Variants in TCF12 observed in about 807,000 individuals in gnomAD.
TCF12 encodes transcription factor 12, also known as DNA-binding protein HTF4.
TCF12 carries 45 observed loss-of-function variants against 86.0 expected under a neutral mutation model. The ratio of observed to expected loss-of-function variants is 0.52; its 90% CI spans 0.41 to 0.67. The LOEUF (loss-of-function observed/expected upper bound fraction) is 0.67. Ranked by LOEUF, TCF12 falls within the 30% of genes least tolerant of loss-of-function variation. The pLI is 0.00. For missense variants in TCF12, 881 were observed against 859.9 expected, an observed-to-expected ratio of 1.02 and a Z score of -0.31; for synonymous variants, 330 against 299.6, an observed-to-expected ratio of 1.10 and a Z score of -1.05.
intron 18 of TCF12, among the ~76,000 whole-genome samples, chr15:57,269,849 A>G (rs987859977): frequency 6.6e-6 from 1 of 152,220 alleles, no homozygotes; most frequent in Non-Finnish European, 1.5e-5. Flanking sequence ...TTCTGGGTTG[A>G]AAATTCTTTT....
intron 20 of TCF12, among the ~76,000 whole-genome samples, 155 bp from the exon 21 acceptor site, chr15:57,286,002 C>A (rs962968656): frequency 2.0e-5 from 3 of 152,200 alleles, no homozygotes; most frequent in Non-Finnish European, 4.4e-5. Context: ...GGAAAAAGTT[C>A]ATTAAGTCAC....
At chr15:56,965,312 T>G (rs2061953934) in intron 3 of TCF12, among the ~76,000 whole-genome samples, 1 of 152,076 alleles carries the variant, frequency 6.6e-6, no homozygotes, top group Non-Finnish European at 1.5e-5. Context: ...CTGGTAGAAG[T>G]TTTGCTATTT....
At chr15:57,195,848 T>G (rs1294619798) in intron 7 of TCF12, among the ~76,000 whole-genome samples, 4 of 151,982 alleles carry the variant, frequency 2.6e-5, no homozygotes, top group Non-Finnish European at 5.9e-5. Context: ...CAAACGAAAT[T>G]TTTTTAATTA....
intron 4 of TCF12, among the ~76,000 whole-genome samples, chr15:57,083,452 A>G (rs977404292): frequency 6.6e-6 from 1 of 152,168 alleles, no homozygotes; most frequent in Admixed American, 6.5e-5. Context: ...AATCTGAGAA[A>G]TAATATATCT....
chr15:57,137,796 A>G (rs1273083337), intron 5 of TCF12, among the ~76,000 whole-genome samples: 10 of 152,190 alleles, frequency 6.6e-5, no homozygotes, highest in African/African-American at 2.2e-4. Context: ...TGAGAGGCCA[A>G]GGCTGGCGGA....
At chr15:57,091,725 T>C in intron 4 of TCF12, 64 bp from the exon 5 acceptor site, 2 of 1,199,328 alleles carry the variant, frequency 1.7e-6, no homozygotes, top group Non-Finnish European at 2.5e-6. Context: ...GTGAGTGTCA[T>C]TATGCTCAAT....
chr15:57,146,116 C>A (rs1322035425), intron 5 of TCF12, among the ~76,000 whole-genome samples: 1 of 151,680 alleles, frequency 6.6e-6, no homozygotes, highest in African/African-American at 2.4e-5. Context: ...TTACATATAC[C>A]CTTTAAGATT....
intron 16 of TCF12, among the ~76,000 whole-genome samples, chr15:57,255,289 A>AAGGGAGACTTATCAC: frequency 6.6e-6 from 1 of 152,328 alleles, no homozygotes; most frequent in East Asian, 1.9e-4. Context: ...AGACTTATCA[A>AAGGGAGACTTATCAC]AATGTAGTCC....
chr15:57,064,085 A>G (rs565908153), intron 4 of TCF12, among the ~76,000 whole-genome samples: 1 of 152,210 alleles, frequency 6.6e-6, no homozygotes, highest in Non-Finnish European at 1.5e-5. Context: ...CTTAGAATGC[A>G]TAAGTGCTCT....
chr15:57,021,461 G>A (rs1253541085), intron 3 of TCF12, among the ~76,000 whole-genome samples: 1 of 152,224 alleles, frequency 6.6e-6, no homozygotes, highest in Non-Finnish European at 1.5e-5. Context: ...GGCATCAACA[G>A]TGGCTTAGCA....
intron 12 of TCF12, among the ~76,000 whole-genome samples, chr15:57,240,939 GTTGAAGT>G (rs1162094872): frequency 6.9e-6 from 1 of 144,412 alleles, no homozygotes; most frequent in African/African-American, 2.5e-5. Context: ...TTTTGTTTCT[GTTGAAGT>G]TTGATGACCT....
intron 8 of TCF12, chr15:57,219,062 C>T (rs771907825): frequency 2.1e-5 from 22 of 1,052,200 alleles, no homozygotes; most frequent in Non-Finnish European, 2.4e-5. Flanking sequence ...CAGATGGTAA[C>T]GCTGGAGGTG....
chr15:57,244,766 C>G (rs1597589229), intron 13 of TCF12, among the ~76,000 whole-genome samples: 1 of 151,784 alleles, frequency 6.6e-6, no homozygotes, highest in Admixed American at 6.6e-5. Context: ...GCCCGGCCCA[C>G]ATGTTTTTTT....
At chr15:56,982,454 T>G (rs1472972379) in intron 3 of TCF12, among the ~76,000 whole-genome samples, 3 of 152,196 alleles carry the variant, frequency 2.0e-5, no homozygotes, top group African/African-American at 7.2e-5. Flanking sequence ...AAATCCATAA[T>G]TATAGAATTG....
intron 3 of TCF12, among the ~76,000 whole-genome samples, chr15:57,062,029 T>C (rs2068495743): frequency 6.6e-6 from 1 of 152,056 alleles, no homozygotes; most frequent in Non-Finnish European, 1.5e-5. Context: ...CAATCTCGGC[T>C]CACTGCAACC....
chr15:57,239,867 G>A (rs555524860), intron 12 of TCF12, among the ~76,000 whole-genome samples: 25 of 152,258 alleles, frequency 1.6e-4, no homozygotes, highest in African/African-American at 3.9e-4. Context: ...ACATAACTGC[G>A]CTTGAGATGA....
At chr15:57,145,948 G>A (rs887946718) in intron 5 of TCF12, among the ~76,000 whole-genome samples, 20 of 152,242 alleles carry the variant, frequency 1.3e-4, no homozygotes, top group African/African-American at 4.8e-4. Context: ...AGATCATCTG[G>A]TATGGTACCC....
chr15:57,223,758 A>G (rs927375080), intron 8 of TCF12, among the ~76,000 whole-genome samples: 2 of 149,716 alleles, frequency 1.3e-5, no homozygotes, highest in African/African-American at 4.9e-5. Context: ...TAATAAAAGA[A>G]CAGAAACCGA....
chr15:57,216,440 G>A (rs1472214343), intron 8 of TCF12, among the ~76,000 whole-genome samples: 2 of 151,864 alleles, frequency 1.3e-5, no homozygotes, highest in Non-Finnish European at 2.9e-5. Flanking sequence ...GATAAAAAGT[G>A]CATGACAGTT....
Sources: allele counts gnomAD v4.1 joint callset (sites outside exome capture counted in the v4.1 genomes callset), GRCh38; gene constraint gnomAD v4.1.1; transcripts MANE v1.5; gene names NCBI Gene and HGNC (gene_info 2026-07-23, HGNC 2026-07-21).